ZNF263: variants seen among roughly 807,000 people sequenced by gnomAD.
The protein encoded by ZNF263 is zinc finger protein FPM315.
ZNF263 carries 49 observed loss-of-function variants against 63.1 expected under a neutral mutation model. The observed-to-expected ratio is 0.78, with a 90% confidence interval of 0.62 to 0.99. The LOEUF is 0.99. Ranked by LOEUF, ZNF263 falls within the 50% of genes least tolerant of loss-of-function variation. The pLI, the probability that ZNF263 is intolerant of heterozygous loss-of-function variation, is 0.00. For missense variants in ZNF263, 872 were observed against 854.8 expected, an observed-to-expected ratio of 1.02 and a Z score of -0.25; for synonymous variants, 352 against 324.2, an observed-to-expected ratio of 1.09 and a Z score of -0.92.
chr16:3,300,702 C>T (rs1486385351), intron 2 of ZNF263: 5 of 1,493,124 alleles, frequency 3.3e-6, no homozygotes, highest in Non-Finnish European at 4.4e-6. Flanking sequence ...ATTTTTTAAA[C>T]AAAACTTAGC....
At position 3,284,035 on chromosome 16, in the gene ZNF263, G is replaced by C. The variant is rs1260870203; in HGVS notation, c.217G>C (p.Glu73Gln). 2 of 1,613,880 alleles carry C rather than the reference G, an allele frequency of 1.2e-6. No homozygotes were observed. The highest frequency in any genetic ancestry group is 8.5e-7 in the Non-Finnish European group (1 of 1,179,914). The stretch of plus-strand genomic sequence containing the variant: ...GCTTTGCCATGGGTGGCTTCGGCCT[G>C]AGATGCGCACGAAGGAGCAGATCTT... ...QELCHGWLRP[E>Q]MRTKEQILEL... The change falls in exon 1 of 6, where the codon GAG becomes CAG. Residue 73 changes from glutamate (E) to glutamine (Q), a missense_variant. By Grantham distance (29) the Glu-to-Gln change is conservative. Coordinates refer to ENST00000219069, the MANE Select transcript of ZNF263 (RefSeq NM_005741.5).
At chr16:3,292,140 C>A (rs148707309), downstream of ZNF263, among the ~76,000 whole-genome samples, 1 of 152,090 alleles carries the variant, frequency 6.6e-6, no homozygotes, top group Admixed American at 6.5e-5. Flanking sequence ...AGTAGGAAAT[C>A]GGATGCCAGG....
At chr16:3,294,904 A>G (rs750412583), downstream of ZNF263, among the ~76,000 whole-genome samples, 4 of 152,202 alleles carry the variant, frequency 2.6e-5, no homozygotes, top group Non-Finnish European at 5.9e-5. Context: ...TCTGAAGTCC[A>G]GCGTATGTTT....
chr16:3,285,631 T>C, intron 2 of ZNF263, 50 bp from the exon 3 acceptor site: 1 of 1,577,716 alleles, frequency 6.3e-7, no homozygotes, highest in Non-Finnish European at 8.7e-7. Context: ...AATCCTTGGG[T>C]TGCCAAGAGT....
chr16:3,299,878 G>A (rs1290061884), intron 2 of ZNF263: 1 of 1,602,340 alleles, frequency 6.2e-7, no homozygotes, highest in East Asian at 2.2e-5. Flanking sequence ...ATATATCACA[G>A]GCAATGTACT....
chr16:3,289,066 A>C (rs1352797464), intron 5 of ZNF263, among the ~76,000 whole-genome samples: 1 of 152,154 alleles, frequency 6.6e-6, no homozygotes, highest in Non-Finnish European at 1.5e-5. Flanking sequence ...CAGGGTGCAG[A>C]GTTCAAGGAG....
In ZNF263 at chr16:3,283,887, C is replaced by T. The variant is rs1227037965; in HGVS notation, c.69C>T (p.Ala23=). The T allele has an allele frequency of 2.5e-6, 4 of 1,610,486 alleles. No individual in the cohort carries two copies. Among genetic ancestry groups the T allele is most frequent in the East Asian group, 2.2e-5 (1 of 44,746 alleles). Reference sequence around the variant, plus strand: ...TAGTGAAGCTGGAGGAGGACTGCGCCTGGAGCCAGGAGCTGCCCCCACCTG... The same window carrying T: ...TAGTGAAGCTGGAGGAGGACTGCGCTTGGAGCCAGGAGCTGCCCCCACCTG... ...LLIVKLEEDC[A]WSQELPPPDP... is the part of the protein sequence containing the mutation. Residue 23 remains alanine (A), a synonymous_variant, in exon 1 of 6, where the codon GCC becomes GCT. Transcript: ENST00000219069.
downstream of ZNF263, among the ~76,000 whole-genome samples, chr16:3,294,149 T>G (rs112743140): frequency 3.9e-5 from 6 of 152,226 alleles, no homozygotes; most frequent in African/African-American, 1.2e-4. Flanking sequence ...ATGGTCTCGA[T>G]CTCCTGACCT....
intron 4 of ZNF263, 59 bp downstream of exon 4, chr16:3,286,208 T>A: frequency 6.6e-7 from 1 of 1,524,948 alleles, no homozygotes; most frequent in Admixed American, 2.4e-5. Flanking sequence ...GTCCTGCCCG[T>A]TATTCATTCA....
At chr16:3,292,153 A>T (rs935361092), downstream of ZNF263, among the ~76,000 whole-genome samples, 1 of 152,132 alleles carries the variant, frequency 6.6e-6, no homozygotes, top group Non-Finnish European at 1.5e-5. Flanking sequence ...ATGCCAGGAA[A>T]ACACCTCAGG....
chr16:3,296,837 G>T (rs1959758931), intron 1 of ZNF263, among the ~76,000 whole-genome samples: 1 of 152,180 alleles, frequency 6.6e-6, no homozygotes, highest in African/African-American at 2.4e-5. Flanking sequence ...CTTACAATTT[G>T]AAAGGAGAGA....
At chr16:3,292,246 A>G (rs890370873), downstream of ZNF263, among the ~76,000 whole-genome samples, 2 of 152,194 alleles carry the variant, frequency 1.3e-5, no homozygotes, top group African/African-American at 2.4e-5. Flanking sequence ...GCTGATGGAT[A>G]TAGCAACTTG....
At chr16:3,293,177 T>C (rs891832777), downstream of ZNF263, 3 of 152,340 alleles carry the variant, frequency 2.0e-5, no homozygotes, top group Middle Eastern at 3.4e-3. Context: ...GCTTGCATCA[T>C]GGGGACGGTT....
intron 2 of ZNF263, chr16:3,300,065 A>C: frequency 6.2e-7 from 1 of 1,614,188 alleles, no homozygotes; most frequent in Non-Finnish European, 8.5e-7. Flanking sequence ...ATTGACTTCC[A>C]AAAGAGGTCT....
Position 3,290,240 on chromosome 16 carries a change from G to A in ZNF263, c.1734G>A (p.Leu578=), listed in dbSNP as rs766327243. The change falls in exon 6 of 6, where the codon TTG becomes TTA. Residue 578 remains leucine, a synonymous_variant. Coordinates refer to ENST00000219069, the MANE Select transcript of ZNF263 (RefSeq NM_005741.5). The stretch of plus-strand genomic sequence containing the variant: ...CAGAGAAGAAGCTCTTTGAATGTTT[G>A]ACTTGTGGGAAAAGCTTCCGGCAGG... ...HKAEKKLFEC[L]TCGKSFRQGM... is the part of the protein sequence containing the mutation. 3 of 1,613,996 alleles carry A rather than the reference G, an allele frequency of 1.9e-6. No homozygotes were observed. The highest frequency in any genetic ancestry group is 2.2e-5 in the East Asian group (1 of 44,884).
chr16:3,291,738 G>A (rs1959618060), downstream of ZNF263, among the ~76,000 whole-genome samples: 1 of 152,188 alleles, frequency 6.6e-6, no homozygotes, highest in African/African-American at 2.4e-5. Context: ...GTCTATAGCA[G>A]TAAAAATGTT....
intron 5 of ZNF263, 34 bp downstream of exon 5, chr16:3,288,604 G>T: frequency 6.6e-7 from 1 of 1,513,464 alleles, no homozygotes; most frequent in Non-Finnish European, 9.0e-7. Context: ...TGCGCAGCAA[G>T]CAGCAAGGCT....
chr16:3,296,303 T>C (rs1426585585), downstream of ZNF263, among the ~76,000 whole-genome samples: 3 of 152,194 alleles, frequency 2.0e-5, no homozygotes, highest in Non-Finnish European at 2.9e-5. Context: ...AGGAATTTAT[T>C]ATCACTAAAA....
Position 3,289,494 on chromosome 16 carries a change from T to G in ZNF263, c.988T>G (p.Trp330Gly), listed in dbSNP as rs1959515252. Reference sequence around the variant, plus strand: ...TGACCAGGCCCGAGGGGAGGTGCCCTGGAGTCCTGAGCTGGGAAGACCTCA... The same window carrying G: ...TGACCAGGCCCGAGGGGAGGTGCCCGGGAGTCCTGAGCTGGGAAGACCTCA... ...LPDQARGEVPWSPELGRPHDR... is the reference protein window; with the variant it reads ...LPDQARGEVPGSPELGRPHDR... The change falls in exon 6 of 6, where the codon TGG (tryptophan) becomes GGG (glycine). Residue 330 changes from tryptophan to glycine, a missense_variant. By Grantham distance (184) the Trp-to-Gly change is radical. Transcript: ENST00000219069. The G allele has an allele frequency of 6.4e-7, 1 of 1,560,790 alleles. No individual in the cohort carries two copies. The highest frequency in any genetic ancestry group is 1.9e-5 in the Admixed American group (1 of 53,506).
Sources: allele counts gnomAD v4.1 joint callset (sites outside exome capture counted in the v4.1 genomes callset), GRCh38; gene constraint gnomAD v4.1.1; transcripts MANE v1.5; gene names NCBI Gene and HGNC (gene_info 2026-07-23, HGNC 2026-07-21).